Variants in ACTN4 observed in about 807,000 individuals in gnomAD.
ACTN4 encodes the protein actinin alpha 4, also known as alpha-actinin-4.
Under a neutral mutation model 114.2 loss-of-function variants are expected in ACTN4, and 18 were observed. The observed-to-expected ratio is 0.16, with a 90% CI of 0.11 to 0.23. ACTN4 has a LOEUF of 0.23. Ranked by LOEUF, ACTN4 falls within the 10% of genes least tolerant of loss-of-function variation. ACTN4 has a pLI of 1.00. For missense variants in ACTN4, 722 were observed against 1,262.9 expected (o/e 0.57, Z 6.49); for synonymous variants, 515 against 506.3 (o/e 1.02, Z -0.23).
chr19:38,704,086 G>T (rs1968373607), intron 3 of ACTN4, among the ~76,000 whole-genome samples: 1 of 152,242 alleles, frequency 6.6e-6, no homozygotes, highest in South Asian at 2.1e-4. Context: ...GCCAAGGCAG[G>T]AAGATCACTT....
intron 1 of ACTN4, among the ~76,000 whole-genome samples, chr19:38,680,427 G>A (rs1464770480): frequency 3.3e-5 from 5 of 151,958 alleles, no homozygotes; most frequent in Admixed American, 6.6e-5. Context: ...TGATCTGGCC[G>A]CCTTTGGCTC....
chr19:38,715,733 T>C (rs1968817056), intron 9 of ACTN4, among the ~76,000 whole-genome samples: 1 of 152,158 alleles, frequency 6.6e-6, no homozygotes, highest in African/African-American at 2.4e-5. Context: ...AGGTTATTCT[T>C]AGAACCCCAG....
At chr19:38,689,765 C>T (rs1323300013) in intron 1 of ACTN4, among the ~76,000 whole-genome samples, 1 of 152,110 alleles carries the variant, frequency 6.6e-6, no homozygotes, top group African/African-American at 2.4e-5. Flanking sequence ...CCTTTGCCTC[C>T]CGGGTTCAAG....
At chr19:38,656,341 A>G (rs1976711145) in intron 1 of ACTN4, among the ~76,000 whole-genome samples, 1 of 152,058 alleles carries the variant, frequency 6.6e-6, no homozygotes, top group African/African-American at 2.4e-5. Flanking sequence ...CAGCCTCCCA[A>G]AGTCTTGGGA....
chr19:38,728,948 C>T, intron 19 of ACTN4, 48 bp from the exon 20 acceptor site: 2 of 1,610,400 alleles, frequency 1.2e-6, no homozygotes, highest in Non-Finnish European at 1.7e-6. Flanking sequence ...CTGGCTGCCC[C>T]TGCCCCACTA....
intron 1 of ACTN4, among the ~76,000 whole-genome samples, chr19:38,691,808 C>T (rs1366131506): frequency 6.6e-6 from 1 of 152,088 alleles, no homozygotes; most frequent in East Asian, 1.9e-4. Context: ...GAGGCTGAGG[C>T]AGGAGAATCA....
At chr19:38,675,028 G>A (rs1967330493) in intron 1 of ACTN4, among the ~76,000 whole-genome samples, 1 of 152,202 alleles carries the variant, frequency 6.6e-6, no homozygotes, top group African/African-American at 2.4e-5. Context: ...GTGTGGAGTT[G>A]GAGAGTTGAA....
intron 3 of ACTN4, among the ~76,000 whole-genome samples, chr19:38,701,627 G>T (rs1968280603): frequency 6.6e-6 from 1 of 152,210 alleles, no homozygotes; most frequent in African/African-American, 2.4e-5. Flanking sequence ...TGGGCTTGGA[G>T]AATTTTGCCT....
intron 1 of ACTN4, among the ~76,000 whole-genome samples, chr19:38,694,458 C>T (rs1968027746): frequency 6.6e-6 from 1 of 152,062 alleles, no homozygotes; most frequent in African/African-American, 2.4e-5. Flanking sequence ...CGAGGTTTCA[C>T]CATGTTGGCC....
chr19:38,694,838 T>A (rs1439399112), intron 1 of ACTN4, among the ~76,000 whole-genome samples: 2 of 152,098 alleles, frequency 1.3e-5, no homozygotes, highest in African/African-American at 4.8e-5. Flanking sequence ...TTACCTTTAA[T>A]ATGTCATGCC....
chr19:38,690,993 C>CCAGT (rs1180648793), intron 1 of ACTN4, among the ~76,000 whole-genome samples: 1 of 152,188 alleles, frequency 6.6e-6, no homozygotes, highest in Non-Finnish European at 1.5e-5. Context: ...GTGAAAGGTA[C>CCAGT]CAGTCCAGGC....
Position 38,717,034 on chromosome 19 carries a change from C to A in ACTN4, c.913-52C>A. ...GCCCATAAGCTGGGGGGCAGCCCGT[C>A]AGCACTCTGAGGGTCCCCCACAAAG... is the stretch of plus-strand genomic sequence containing the variant. On this transcript the variant is annotated intron_variant, in intron 9 of 20. Coordinates refer to ENST00000252699, the MANE Select transcript of ACTN4 (RefSeq NM_004924.6). The surrounding 1 kb of genome is among the most constrained non-coding windows in gnomAD (Gnocchi z 4.0). 1 of 1,563,036 alleles carries A rather than the reference C, an allele frequency of 6.4e-7. No individual in the cohort carries two copies. Among genetic ancestry groups the A allele is most frequent in the Non-Finnish European group, 8.7e-7 (1 of 1,149,112 alleles).
At chr19:38,660,482 G>A (rs950987918) in intron 1 of ACTN4, among the ~76,000 whole-genome samples, 5 of 151,140 alleles carry the variant, frequency 3.3e-5, no homozygotes, top group African/African-American at 7.3e-5. Context: ...TGCAACCTCC[G>A]TCTCCTGGGT....
chr19:38,690,285 C>T (rs1009108763), intron 1 of ACTN4, among the ~76,000 whole-genome samples: 3 of 152,218 alleles, frequency 2.0e-5, no homozygotes, highest in Non-Finnish European at 2.9e-5. Context: ...TGCTGTTCAC[C>T]GCCATCACAG....
At chr19:38,686,294 A>G (rs947623676) in intron 1 of ACTN4, among the ~76,000 whole-genome samples, 5 of 152,230 alleles carry the variant, frequency 3.3e-5, no homozygotes, top group African/African-American at 1.2e-4. Flanking sequence ...ATTCCAGGCC[A>G]CACTGTCTCA....
intron 6 of ACTN4, among the ~76,000 whole-genome samples, 161 bp downstream of exon 6, chr19:38,708,356 C>T (rs1425290817): frequency 1.3e-5 from 2 of 152,160 alleles, no homozygotes; most frequent in Non-Finnish European, 2.9e-5. Context: ...CTCCGCAACC[C>T]CTGGCTCGGT....
intron 3 of ACTN4, 21 bp downstream of exon 3, chr19:38,701,142 C>T (rs755216129): frequency 5.1e-5 from 82 of 1,613,376 alleles, no homozygotes; most frequent in Admixed American, 6.7e-5. Context: ...GGTGGGGCAG[C>T]GAGGGTCCTG....
At chr19:38,714,047 G>A (rs538902117) in intron 8 of ACTN4, among the ~76,000 whole-genome samples, 3 of 152,146 alleles carry the variant, frequency 2.0e-5, no homozygotes, top group Admixed American at 6.5e-5. Context: ...AGGCTCCTCC[G>A]GGACCCGGGC....
intron 1 of ACTN4, among the ~76,000 whole-genome samples, chr19:38,675,677 C>G (rs1346358026): frequency 2.0e-5 from 3 of 152,228 alleles, no homozygotes; most frequent in African/African-American, 7.2e-5. Flanking sequence ...TGCACTTTGG[C>G]TGGTGAGGTG....
Sources: gnomAD v4.1 joint callset for allele counts (sites outside exome capture counted in the v4.1 genomes callset) on GRCh38, gnomAD v4.1.1 for gene constraint, Gnocchi (gnomAD v3.1) non-coding constraint, MANE v1.5 for transcripts, NCBI Gene and HGNC (gene_info 2026-07-23, HGNC 2026-07-21) for gene names.